The following VPS13B variants were observed in gnomAD, a reference collection of about 807,000 sequenced individuals.
VPS13B encodes vacuolar protein sorting 13 homolog B.
Under a neutral mutation model 426.4 loss-of-function variants are expected in VPS13B, and 285 were observed. The ratio of observed to expected loss-of-function variants is 0.67; its 90% CI spans 0.61 to 0.74. The LOEUF is 0.74. Ranked by LOEUF, VPS13B falls within the 30% of genes least tolerant of loss-of-function variation. The pLI is 0.00. For missense variants in VPS13B, 4,537 were observed against 4,782.6 expected (o/e 0.95, Z 1.51); for synonymous variants, 1,676 against 1,676.4 (o/e 1.00, Z 0.01).
At chr8:99,810,236 A>G (rs1813627319) in intron 44 of VPS13B, among the ~76,000 whole-genome samples, 1 of 152,224 alleles carries the variant, frequency 6.6e-6, no homozygotes, top group East Asian at 1.9e-4. Flanking sequence ...CAAGAGTAGA[A>G]AGAAAAGAAG....
intron 34 of VPS13B, among the ~76,000 whole-genome samples, chr8:99,648,092 A>G (rs1396003653): frequency 6.6e-6 from 1 of 152,178 alleles, no homozygotes; most frequent in African/African-American, 2.4e-5. Flanking sequence ...TCTTATTCCT[A>G]TTGTGCTTTC....
intron 30 of VPS13B, among the ~76,000 whole-genome samples, chr8:99,522,257 TTA>T (rs1367912996): frequency 2.0e-5 from 3 of 152,172 alleles, no homozygotes; most frequent in Non-Finnish European, 4.4e-5. Flanking sequence ...TCAGGTGTCT[TTA>T]TCTTTTCTAC....
chr8:99,569,206 G>A (rs1486847876), intron 31 of VPS13B, among the ~76,000 whole-genome samples: 1 of 152,012 alleles, frequency 6.6e-6, no homozygotes, highest in South Asian at 2.1e-4. Context: ...AAATCTTTAT[G>A]TTGCATAAGA....
At chr8:99,780,126 C>T (rs1476907572) in intron 42 of VPS13B, among the ~76,000 whole-genome samples, 1 of 151,994 alleles carries the variant, frequency 6.6e-6, no homozygotes, top group East Asian at 1.9e-4. Context: ...AAGGGCATTC[C>T]ATGGTTTTCT....
Position 99,121,343 on chromosome 8 carries a change from G to C in VPS13B, c.1104G>C (p.Gly368=). 6.2e-7 allele frequency: 1 copy of C among 1,614,146 alleles called. No homozygotes were observed. The highest frequency in any genetic ancestry group is 8.5e-7 in the Non-Finnish European group (1 of 1,180,018). ...SYDDGEEDFV[G]NDPASTMHQQ... Reference sequence around the variant, plus strand: ...ACGATGGCGAGGAAGACTTTGTTGGGAACGATCCTGCATCAACCATGCATC... The same window carrying C: ...ACGATGGCGAGGAAGACTTTGTTGGCAACGATCCTGCATCAACCATGCATC... Residue 368 remains glycine (G), a synonymous_variant, in exon 8 of 62, where the codon GGG becomes GGC. Coordinates refer to ENST00000357162, the MANE Select transcript of VPS13B (RefSeq NM_152564.5).
At chr8:99,466,127 A>G (rs1345632889) in intron 23 of VPS13B, among the ~76,000 whole-genome samples, 1 of 152,110 alleles carries the variant, frequency 6.6e-6, no homozygotes, top group Non-Finnish European at 1.5e-5. Context: ...GTGCAGTGTG[A>G]TCTCTGATCT....
Position 99,776,757 on chromosome 8 carries a change from A to T in VPS13B, c.7248-18A>T. The T allele has an allele frequency of 6.2e-7, 1 of 1,613,954 alleles. No individual in the cohort carries two copies. The highest frequency in any genetic ancestry group is 8.5e-7 in the Non-Finnish European group (1 of 1,179,884). ...AAATTTTGGTTATTGAACTTCTTTT[A>T]TCACTTCTTTCCCATAGCTCTGCAA... On this transcript the variant is annotated intron_variant, in intron 40 of 61. Coordinates refer to ENST00000357162, the MANE Select transcript of VPS13B (RefSeq NM_152564.5).
chr8:99,384,063 C>A, intron 19 of VPS13B, 145 bp from the exon 20 acceptor site: 2 of 718,642 alleles, frequency 2.8e-6, no homozygotes, highest in Non-Finnish European at 2.5e-6. Context: ...AGCAATGTAT[C>A]AGGGTTTGCA....
In VPS13B at chr8:99,853,650, G is replaced by A. The variant is rs1816405606; in HGVS notation, c.10261G>A (p.Glu3421Lys). 6.2e-7 allele frequency: 1 copy of A among 1,613,266 alleles called. No homozygotes were observed. Among genetic ancestry groups the A allele is most frequent in the Non-Finnish European group, 8.5e-7 (1 of 1,179,780 alleles). Reference protein sequence around the residue: ...VAALFELYCVEICCGDLQLDN... With the variant: ...VAALFELYCVKICCGDLQLDN... ...TGCGTTGTTTGAACTTTACTGTGTGGAGATCTGCTGTGGGGACCTGCAGCT... is the reference window on the plus strand; with the variant it reads ...TGCGTTGTTTGAACTTTACTGTGTGAAGATCTGCTGTGGGGACCTGCAGCT... Residue 3421 changes from glutamate to lysine, a missense_variant, in exon 56 of 62, where the codon GAG (glutamate) becomes AAG (lysine). By Grantham distance (56) the Glu-to-Lys change is moderately conservative. Around this residue, in one of 2 missense-constraint regions of VPS13B, gnomAD observed 4,311 missense variants for 4,474.3 expected, o/e 0.96. Coordinates refer to ENST00000357162, the MANE Select transcript of VPS13B (RefSeq NM_152564.5).
In VPS13B at chr8:99,683,698, A is replaced by G. The variant is rs570096793; in HGVS notation, c.6047-15827A>G. 2.6e-5 allele frequency among the ~76,000 whole-genome samples: 4 copies of G among 152,290 alleles called. No homozygotes were observed. In the South Asian group the frequency reaches 8.3e-4, roughly 32 times the overall value. Reference sequence around the variant, plus strand: ...TAGAAACTCAATTGATTTTTGTGTGATGATCTTGTATTCTAAAACTTTGCC... The same window carrying G: ...TAGAAACTCAATTGATTTTTGTGTGGTGATCTTGTATTCTAAAACTTTGCC... On this transcript the variant is annotated intron_variant, in intron 35 of 61. Transcript: ENST00000357162.
intron 3 of VPS13B, among the ~76,000 whole-genome samples, chr8:99,063,860 A>G (rs1844330479): frequency 6.6e-6 from 1 of 152,130 alleles, no homozygotes; most frequent in Non-Finnish European, 1.5e-5. Flanking sequence ...CCCCTCTGGG[A>G]CGGAGCTTCC....
chr8:99,504,490 GA>G (rs1370587470), intron 27 of VPS13B, among the ~76,000 whole-genome samples: 2 of 152,178 alleles, frequency 1.3e-5, no homozygotes, highest in African/African-American at 4.8e-5. Flanking sequence ...TAGCAGATGT[GA>G]AGACAACATT....
chr8:99,814,261 G>GT (rs976323531), intron 44 of VPS13B, among the ~76,000 whole-genome samples: 1 of 151,878 alleles, frequency 6.6e-6, no homozygotes, highest in African/African-American at 2.4e-5. Context: ...AAATGTATCA[G>GT]TTAGGACGCT....
chr8:99,320,865 C>T (rs914270911), intron 19 of VPS13B, among the ~76,000 whole-genome samples: 1 of 152,204 alleles, frequency 6.6e-6, no homozygotes, highest in African/African-American at 2.4e-5. Flanking sequence ...TCTTCCAGGT[C>T]ACCTTTGTGT....
rs2132994774 is a variant in VPS13B, at chr8:99,274,213, A to G, written c.2531A>G (p.Asn844Ser). The G allele has an allele frequency of 6.2e-7, 1 of 1,614,162 alleles. No homozygotes were observed. Among genetic ancestry groups the G allele is most frequent in the Non-Finnish European group, 8.5e-7 (1 of 1,180,034 alleles). The change falls in exon 18 of 62, where the codon AAT becomes AGT. Residue 844 changes from asparagine to serine, a missense_variant. Around this residue, in one of 2 missense-constraint regions of VPS13B, gnomAD observed 4,311 missense variants for 4,474.3 expected, o/e 0.96. Coordinates refer to ENST00000357162, the MANE Select transcript of VPS13B (RefSeq NM_152564.5). Reference protein sequence around the residue: ...IFLSIGVKSKNPLPTLEGSIQ... With the variant: ...IFLSIGVKSKSPLPTLEGSIQ... ...CTTTTATTAGGTGTGAAATCTAAGA[A>G]TCCCCTGCCAACTCTTGAGGGCTCA... is the stretch of plus-strand genomic sequence containing the variant.
chr8:99,331,393 C>G (rs1483623117), intron 19 of VPS13B, among the ~76,000 whole-genome samples: 2 of 151,690 alleles, frequency 1.3e-5, no homozygotes, highest in Admixed American at 6.6e-5. Flanking sequence ...AGCAACACTA[C>G]TTATAGACTA....
At chr8:99,172,449 G>C (rs10109847) in intron 16 of VPS13B, among the ~76,000 whole-genome samples, 65,462 of 151,862 alleles carry the variant, frequency 0.43, 15,943 homozygotes, top group African/African-American at 0.65. Context: ...AGATGATATT[G>C]TCTCTTATAA....
At chr8:99,408,106 C>T (rs1283994819) in intron 21 of VPS13B, among the ~76,000 whole-genome samples, 1 of 152,040 alleles carries the variant, frequency 6.6e-6, no homozygotes, top group East Asian at 1.9e-4. Flanking sequence ...GAAGCCAGAT[C>T]CTGTAGGGAC....
intron 14 of VPS13B, among the ~76,000 whole-genome samples, chr8:99,155,570 A>T (rs1811317970): frequency 6.6e-6 from 1 of 152,226 alleles, no homozygotes; most frequent in Non-Finnish European, 1.5e-5. Flanking sequence ...AAAGTCACTT[A>T]AAAAAGCAAC....
Sources: gnomAD v4.1 joint callset for allele counts (sites outside exome capture counted in the v4.1 genomes callset) on GRCh38, gnomAD v4.1.1 for gene constraint, gnomAD v4.1.1 regional missense constraint, MANE v1.5 for transcripts, NCBI Gene and HGNC (gene_info 2026-07-23, HGNC 2026-07-21) for gene names.